Variants in GALNTL6 observed in about 807,000 individuals in gnomAD.
The protein encoded by GALNTL6 is polypeptide N-acetylgalactosaminyltransferase like 6.
In GALNTL6, 46 loss-of-function variants were observed where a neutral mutation model predicts 73.7. That is an observed-to-expected ratio of 0.62 (90% CI 0.49 to 0.80). GALNTL6 has a LOEUF of 0.80. Ranked by LOEUF, GALNTL6 falls within the 30% of genes least tolerant of loss-of-function variation. The probability of loss-of-function intolerance (pLI) is 0.00; values close to 1 mark genes in which losing one functional copy is unlikely to be tolerated. For missense variants in GALNTL6, 604 were observed against 755.0 expected (o/e 0.80, Z 2.34); for synonymous variants, 259 against 263.7 (o/e 0.98, Z 0.17).
At chr4:172,198,429 C>T (rs1466128617) in intron 2 of GALNTL6, among the ~76,000 whole-genome samples, 1 of 151,152 alleles carries the variant, frequency 6.6e-6, no homozygotes, top group Admixed American at 6.6e-5. Flanking sequence ...AAAAAAAGAC[C>T]CCATTAAAAA....
At chr4:172,930,293 A>G (rs1748264204) in intron 8 of GALNTL6, among the ~76,000 whole-genome samples, 1 of 152,056 alleles carries the variant, frequency 6.6e-6, no homozygotes, top group Admixed American at 6.6e-5. Context: ...AAAAAAAAGT[A>G]CAGCATCTTA....
intron 5 of GALNTL6, among the ~76,000 whole-genome samples, chr4:172,455,966 C>T (rs902755352): frequency 5.3e-5 from 8 of 152,204 alleles, no homozygotes; most frequent in Admixed American, 1.3e-4. Context: ...TGGCATCTGA[C>T]GGTTACCCCT....
At chr4:172,955,905 A>C (rs1430322376) in intron 10 of GALNTL6, among the ~76,000 whole-genome samples, 1 of 152,102 alleles carries the variant, frequency 6.6e-6, no homozygotes, top group Admixed American at 6.5e-5. Context: ...CAGGAAAATG[A>C]ATTTCACAAG....
chr4:172,730,681 T>G (rs1336947980), intron 5 of GALNTL6, among the ~76,000 whole-genome samples: 1 of 152,146 alleles, frequency 6.6e-6, no homozygotes, highest in Non-Finnish European at 1.5e-5. Context: ...TGGCCTGTAG[T>G]TTTATTTTCT....
At chr4:172,764,404 C>T (rs1033647584) in intron 5 of GALNTL6, among the ~76,000 whole-genome samples, 8 of 152,014 alleles carry the variant, frequency 5.3e-5, no homozygotes, top group African/African-American at 1.7e-4. Context: ...TAATAATTTT[C>T]ATGCTAGAAT....
intron 4 of GALNTL6, among the ~76,000 whole-genome samples, chr4:172,312,249 A>G (rs1302766043): frequency 6.6e-6 from 1 of 152,218 alleles, no homozygotes; most frequent in Non-Finnish European, 1.5e-5. Flanking sequence ...TTGTCACTTT[A>G]TGAACTGCTT....
intron 2 of GALNTL6, among the ~76,000 whole-genome samples, chr4:171,879,783 C>G (rs1736386311): frequency 6.6e-6 from 1 of 152,078 alleles, no homozygotes; most frequent in Non-Finnish European, 1.5e-5. Context: ...CAGCTCATGA[C>G]AATACATAAT....
At chr4:172,003,661 G>C (rs1172937187) in intron 2 of GALNTL6, among the ~76,000 whole-genome samples, 2 of 152,094 alleles carry the variant, frequency 1.3e-5, no homozygotes, top group African/African-American at 4.8e-5. Flanking sequence ...ATGGTTGGTT[G>C]CTTTAATTTC....
intron 2 of GALNTL6, among the ~76,000 whole-genome samples, chr4:172,106,360 T>C (rs560706307): frequency 6.6e-6 from 1 of 152,334 alleles, no homozygotes; most frequent in Non-Finnish European, 1.5e-5. Context: ...TGTAAAATCC[T>C]GTTAAGTAGA....
intron 2 of GALNTL6, among the ~76,000 whole-genome samples, chr4:172,008,357 A>T (rs1225877254): frequency 6.6e-6 from 1 of 152,184 alleles, no homozygotes; most frequent in Non-Finnish European, 1.5e-5. Context: ...CAAGGGCTGC[A>T]GACATTTTTC....
At position 171,976,416 on chromosome 4, in the gene GALNTL6, T is replaced by G. The variant is rs1257366350; in HGVS notation, c.138+161698T>G. 2.6e-5 allele frequency among the ~76,000 whole-genome samples: 4 copies of G among 152,244 alleles called. No homozygotes were observed. In the South Asian group the frequency reaches 6.2e-4, roughly 24 times the overall value. On this transcript the variant is annotated intron_variant, in intron 2 of 12. Coordinates refer to ENST00000506823, the MANE Select transcript of GALNTL6 (RefSeq NM_001034845.3). ...TGACTATCTCTGCTACACCAGAGAATGCTGTTTCTGCAGGACATTAACAAG... is the reference window on the plus strand; with the variant it reads ...TGACTATCTCTGCTACACCAGAGAAGGCTGTTTCTGCAGGACATTAACAAG...
At chr4:172,087,935 T>C (rs1457488696) in intron 2 of GALNTL6, among the ~76,000 whole-genome samples, 1 of 152,130 alleles carries the variant, frequency 6.6e-6, no homozygotes, top group Non-Finnish European at 1.5e-5. Context: ...TGGTGTTCAA[T>C]CAAATACTTT....
chr4:172,463,558 T>C lies in GALNTL6; in HGVS notation c.553+114869T>C, dbSNP rs17058515. ...TTCACCTGCTCTATGCCATGCACTG[T>C]ACTAGATTACAGGGATGCGACAGAA... On this transcript the variant is annotated intron_variant, in intron 5 of 12. Coordinates refer to ENST00000506823, the MANE Select transcript of GALNTL6 (RefSeq NM_001034845.3). Among the ~76,000 whole-genome samples, 1,216 of 152,304 alleles carry C rather than the reference T, an allele frequency of 8.0e-3. 11 individuals are homozygous for C. The highest frequency in any genetic ancestry group is 0.028 in the African/African-American group (1,150 of 41,572).
Position 171,857,641 on chromosome 4 carries a change from G to A in GALNTL6, c.138+42923G>A, listed in dbSNP as rs138027631. Among the ~76,000 whole-genome samples the A allele has an allele frequency of 5.9e-3, 893 of 152,238 alleles. 12 individuals carry two copies. The highest frequency in any genetic ancestry group is 0.021 in the African/African-American group (854 of 41,544). ...AAATGATTAATGATGTGATAATAGC[G>A]ATGAGGCTAAAAAGAACATTTTTTG... On this transcript the variant is annotated intron_variant, in intron 2 of 12. Transcript: ENST00000506823.
At chr4:173,008,062 T>C (rs1752378409) in intron 10 of GALNTL6, among the ~76,000 whole-genome samples, 1 of 152,250 alleles carries the variant, frequency 6.6e-6, no homozygotes, top group African/African-American at 2.4e-5. Context: ...ATTTTGCTAA[T>C]ACTCTAGAGT....
chr4:172,116,094 C>A (rs1732977088), intron 2 of GALNTL6, among the ~76,000 whole-genome samples: 1 of 151,808 alleles, frequency 6.6e-6, no homozygotes, highest in Non-Finnish European at 1.5e-5. Context: ...AAATGCTAAA[C>A]ATGTAGGTAT....
intron 7 of GALNTL6, among the ~76,000 whole-genome samples, chr4:172,869,937 G>A (rs1744838232): frequency 6.6e-6 from 1 of 152,128 alleles, no homozygotes; most frequent in African/African-American, 2.4e-5. Flanking sequence ...GCCCACTCAT[G>A]ACACAGAGTG....
At chr4:172,773,966 A>G (rs985045965) in intron 5 of GALNTL6, among the ~76,000 whole-genome samples, 10 of 123,330 alleles carry the variant, frequency 8.1e-5, no homozygotes, top group African/African-American at 2.7e-4. Flanking sequence ...ATAGTTTAAA[A>G]GAGACTTAAG....
intron 8 of GALNTL6, among the ~76,000 whole-genome samples, chr4:172,909,816 G>T (rs1747105072): frequency 6.6e-6 from 1 of 151,990 alleles, no homozygotes; most frequent in African/African-American, 2.4e-5. Flanking sequence ...TGTGTGAAAT[G>T]ACACATATAC....
Sources: gnomAD v4.1 joint callset for allele counts (sites outside exome capture counted in the v4.1 genomes callset) on GRCh38, gnomAD v4.1.1 for gene constraint, MANE v1.5 for transcripts, NCBI Gene and HGNC (gene_info 2026-07-23, HGNC 2026-07-21) for gene names.